SPIRE1: variants seen among roughly 807,000 people sequenced by gnomAD.
SPIRE1 encodes protein spire homolog 1.
A neutral mutation model predicts 94.1 loss-of-function variants in SPIRE1; 40 were observed. That is an observed-to-expected ratio of 0.43 (90% CI 0.33 to 0.55). The LOEUF (loss-of-function observed/expected upper bound fraction) is 0.55. Among genes scored for constraint, SPIRE1 ranks in the 20% least tolerant of loss-of-function variants. The probability of loss-of-function intolerance (pLI) is 0.06; values close to 1 mark genes in which losing one functional copy is unlikely to be tolerated. For missense variants in SPIRE1, 838 were observed against 975.2 expected, an observed-to-expected ratio of 0.86 and a Z score of 1.87; for synonymous variants, 376 against 371.7, an observed-to-expected ratio of 1.01 and a Z score of -0.13.
chr18:12,597,157 TACACACACACAC>T (rs58238813), intron 2 of SPIRE1, among the ~76,000 whole-genome samples: 6,048 of 144,154 alleles, frequency 0.042, 153 homozygotes, highest in South Asian at 0.099. Context: ...TGTCTCTTTC[TACACACACACAC>T]ACACACACAC....
chr18:12,476,194 A>G (rs2032565816), intron 10 of SPIRE1, among the ~76,000 whole-genome samples: 1 of 152,192 alleles, frequency 6.6e-6, no homozygotes, highest in Non-Finnish European at 1.5e-5. Flanking sequence ...TTGATTAAAA[A>G]TAAAGACTTT....
Position 12,658,002 on chromosome 18 carries a change from C to G in SPIRE1, c.-136G>C. The G allele has an allele frequency of 1.0e-6, 1 of 994,264 alleles. No individual in the cohort carries two copies. The highest frequency in any genetic ancestry group is 1.2e-6 in the Non-Finnish European group (1 of 837,148). The allele number at this position is 994,264 out of a possible 1,614,324, so 61.6% of individuals were successfully genotyped here. Reference sequence around the variant, plus strand: ...CCAACGCGGCCGCGCGCGCCGCCGCCGGGACCAGGCGAGTGCCCGGGAGGC... The same window carrying G: ...CCAACGCGGCCGCGCGCGCCGCCGCGGGGACCAGGCGAGTGCCCGGGAGGC... On this transcript the variant is annotated 5_prime_UTR_variant, in exon 1 of 17. Transcript: ENST00000409402.
At chr18:12,588,668 T>C (rs2144575151) in intron 2 of SPIRE1, among the ~76,000 whole-genome samples, 1 of 151,608 alleles carries the variant, frequency 6.6e-6, no homozygotes, top group Middle Eastern at 3.4e-3. Context: ...ACCTTATTTC[T>C]TACTACTCCC....
At chr18:12,469,014 T>G (rs2032236732) in intron 10 of SPIRE1, among the ~76,000 whole-genome samples, 1 of 152,112 alleles carries the variant, frequency 6.6e-6, no homozygotes, top group Non-Finnish European at 1.5e-5. Flanking sequence ...CAATGAGCTG[T>G]GTTCACACCA....
chr18:12,645,279 C>G (rs1025640077), intron 1 of SPIRE1, among the ~76,000 whole-genome samples: 1 of 152,158 alleles, frequency 6.6e-6, no homozygotes. Context: ...TTGCAACTAT[C>G]TGGAAGGCAG....
intron 9 of SPIRE1, 59 bp downstream of exon 9, chr18:12,485,900 G>A (rs924001866): frequency 8.1e-7 from 1 of 1,232,136 alleles, no homozygotes; most frequent in Admixed American, 2.2e-5. Flanking sequence ...TGAATGAAAT[G>A]TATTTCACAG....
At chr18:12,563,206 T>TAAA (rs57756554) in intron 2 of SPIRE1, among the ~76,000 whole-genome samples, 1 of 146,664 alleles carries the variant, frequency 6.8e-6, no homozygotes, top group African/African-American at 2.5e-5. Flanking sequence ...CTATACTCAT[T>TAAA]AAAAAAAAAA....
At chr18:12,468,723 C>T (rs961788392) in intron 10 of SPIRE1, among the ~76,000 whole-genome samples, 12 of 152,104 alleles carry the variant, frequency 7.9e-5, no homozygotes, top group Non-Finnish European at 1.8e-4. Context: ...GGGTGGAATA[C>T]TCTTTATAGT....
intron 2 of SPIRE1, among the ~76,000 whole-genome samples, chr18:12,566,297 C>T (rs1399509719): frequency 1.3e-5 from 2 of 151,424 alleles, no homozygotes; most frequent in Non-Finnish European, 2.9e-5. Context: ...GATTGCAACA[C>T]TGCACTCCAG....
chr18:12,619,461 T>A (rs899936676), intron 2 of SPIRE1, among the ~76,000 whole-genome samples: 1 of 151,722 alleles, frequency 6.6e-6, no homozygotes. Flanking sequence ...TGAGCTGAGA[T>A]CGTGCCACTG....
At chr18:12,497,266 G>C (rs2033491461) in intron 6 of SPIRE1, among the ~76,000 whole-genome samples, 1 of 152,116 alleles carries the variant, frequency 6.6e-6, no homozygotes, top group Non-Finnish European at 1.5e-5. Flanking sequence ...CTACTCTAAT[G>C]TCCTCTCTTT....
chr18:12,633,468 C>T (rs56063272), intron 2 of SPIRE1, among the ~76,000 whole-genome samples: 26,968 of 151,600 alleles, frequency 0.18, 2,480 homozygotes, highest in Admixed American at 0.25. Context: ...CCCAGCGACT[C>T]GGGAAGCTGA....
At chr18:12,485,789 T>C (rs748137450) in intron 9 of SPIRE1, among the ~76,000 whole-genome samples, 170 bp downstream of exon 9, 1 of 152,224 alleles carries the variant, frequency 6.6e-6, no homozygotes, top group Admixed American at 6.5e-5. Context: ...TGTATCTTTT[T>C]TACATATATT....
At chr18:12,550,148 GC>G (rs1481168075) in intron 2 of SPIRE1, among the ~76,000 whole-genome samples, 1 of 152,016 alleles carries the variant, frequency 6.6e-6, no homozygotes, top group Non-Finnish European at 1.5e-5. Context: ...TTAAAGGTCA[GC>G]CCCACTCTCC....
intron 2 of SPIRE1, among the ~76,000 whole-genome samples, chr18:12,579,098 G>A (rs1387485772): frequency 1.3e-5 from 2 of 149,236 alleles, no homozygotes; most frequent in Non-Finnish European, 3.0e-5. Context: ...GAGAAGGGGA[G>A]GAAAAAAAAC....
At chr18:12,469,050 C>A (rs12968369) in intron 10 of SPIRE1, among the ~76,000 whole-genome samples, 1 of 151,920 alleles carries the variant, frequency 6.6e-6, no homozygotes, top group South Asian at 2.1e-4. Flanking sequence ...AGTGACAGAG[C>A]GAAACCCTGT....
intron 5 of SPIRE1, among the ~76,000 whole-genome samples, chr18:12,511,572 T>C (rs1474675486): frequency 1.3e-5 from 2 of 152,238 alleles, no homozygotes; most frequent in Non-Finnish European, 2.9e-5. Flanking sequence ...GAAATATTAA[T>C]ATTTTAAAAC....
chr18:12,497,875 A>T (rs896236959), intron 6 of SPIRE1, among the ~76,000 whole-genome samples: 4 of 152,196 alleles, frequency 2.6e-5, no homozygotes, highest in African/African-American at 9.7e-5. Flanking sequence ...ATGAGAATGG[A>T]TTAACTGAGG....
intron 1 of SPIRE1, among the ~76,000 whole-genome samples, chr18:12,645,287 C>G (rs142160627): frequency 1.3e-5 from 2 of 152,194 alleles, no homozygotes; most frequent in African/African-American, 4.8e-5. Flanking sequence ...ATCTGGAAGG[C>G]AGCAAAGGAG....
Sources: allele counts gnomAD v4.1 joint callset (sites outside exome capture counted in the v4.1 genomes callset), GRCh38; gene constraint gnomAD v4.1.1; transcripts MANE v1.5; gene names NCBI Gene and HGNC (gene_info 2026-07-23, HGNC 2026-07-21).